The following RUNX1 variants were observed in gnomAD, a reference collection of about 807,000 sequenced individuals.
RUNX1 encodes runt-related transcription factor 1.
Under a neutral mutation model 42.8 loss-of-function variants are expected in RUNX1, and 19 were observed. The ratio of observed to expected loss-of-function variants is 0.44; its 90% CI spans 0.31 to 0.65. The LOEUF is 0.65. RUNX1 is among the 30% of genes least tolerant of loss of function. The pLI, the probability that RUNX1 is intolerant of heterozygous loss-of-function variation, is 0.07. For missense variants in RUNX1, 528 were observed against 672.0 expected (o/e 0.79, Z 2.37); for synonymous variants, 271 against 289.4 (o/e 0.94, Z 0.64).
At chr21:34,798,215 C>T (rs1284264139) in intron 8 of RUNX1, 2 of 444,308 alleles carry the variant, frequency 4.5e-6, no homozygotes, top group African/African-American at 2.0e-5. Flanking sequence ...GCCCCGTTCC[C>T]CCAACACACA....
chr21:34,797,369 A>G (rs2056544584), intron 8 of RUNX1, among the ~76,000 whole-genome samples: 1 of 152,192 alleles, frequency 6.6e-6, no homozygotes, highest in Non-Finnish European at 1.5e-5. Flanking sequence ...TGCACATGTT[A>G]CTCATTCCTT....
intron 7 of RUNX1, among the ~76,000 whole-genome samples, chr21:34,830,894 G>C (rs1338332930): frequency 1.3e-5 from 2 of 152,152 alleles, no homozygotes; most frequent in East Asian, 1.9e-4. Flanking sequence ...AGTTTATCTA[G>C]GTTTCAGTTT....
Position 34,799,312 on chromosome 21 carries a change from C to T in RUNX1, c.956G>A (p.Ser319Asn), listed in dbSNP as rs2145907184. 1 of 1,614,186 alleles carries T rather than the reference C, an allele frequency of 6.2e-7. No homozygotes were observed. The highest frequency in any genetic ancestry group is 8.5e-7 in the Non-Finnish European group (1 of 1,180,032). The change falls in exon 8 of 9, where the codon AGT becomes AAT. Residue 319 changes from serine (S) to asparagine (N), a missense_variant. This residue lies in a region of RUNX1 where 331 missense variants were observed against 382.5 expected (regional missense o/e 0.87). Transcript: ENST00000675419. ...TTCAAGTGGCTTACTTGAGAGTCGA[C>T]TGGAAAGTTCTGCAGAGAGGGTTGT... ...GMTTLSAELSSRLSTAPDLTA... is the reference protein window; with the variant it reads ...GMTTLSAELSNRLSTAPDLTA...
intron 7 of RUNX1, among the ~76,000 whole-genome samples, chr21:34,814,379 C>T (rs966359066): frequency 1.3e-5 from 2 of 152,280 alleles, no homozygotes; most frequent in Middle Eastern, 3.4e-3. Context: ...CACACTGTCA[C>T]CTGTGTGCGC....
intron 2 of RUNX1, among the ~76,000 whole-genome samples, chr21:35,047,303 T>G (rs1242264563): frequency 6.6e-6 from 1 of 152,082 alleles, no homozygotes; most frequent in Non-Finnish European, 1.5e-5. Flanking sequence ...GGGAGCCGTT[T>G]GCAGCTTTTC....
At chr21:34,937,381 C>G (rs1257151868) in intron 2 of RUNX1, among the ~76,000 whole-genome samples, 1 of 148,736 alleles carries the variant, frequency 6.7e-6, no homozygotes, top group African/African-American at 2.5e-5. Context: ...TCCAGTGACT[C>G]ATAGGCTCTG....
chr21:35,027,554 T>C lies in RUNX1; in HGVS notation c.58+21288A>G, dbSNP rs570979074. Among the ~76,000 whole-genome samples, 5 of 152,302 alleles carry C rather than the reference T, an allele frequency of 3.3e-5. No individual in the cohort carries two copies. In the East Asian group the frequency reaches 9.6e-4, roughly 29 times the overall value. On this transcript the variant is annotated intron_variant, in intron 2 of 8. Coordinates refer to ENST00000675419, the MANE Select transcript of RUNX1 (RefSeq NM_001754.5). ...GGTTTAACTGGAGCCACCTTGCTAA[T>C]GGAAAATGGAAAATGAAATTCCTTT...
chr21:34,959,017 A>G (rs1479648564), intron 2 of RUNX1, among the ~76,000 whole-genome samples: 1 of 149,500 alleles, frequency 6.7e-6, no homozygotes, highest in Non-Finnish European at 1.5e-5. Flanking sequence ...ACATGGACAC[A>G]GGAAGGGGAA....
chr21:34,821,648 C>A (rs752110332), intron 7 of RUNX1: 4 of 1,566,434 alleles, frequency 2.6e-6, no homozygotes, highest in Admixed American at 1.9e-5. Context: ...GAGGGATGGA[C>A]AGAAGAACTG....
intron 6 of RUNX1, among the ~76,000 whole-genome samples, chr21:34,838,997 T>C (rs1184981363): frequency 6.6e-6 from 1 of 152,076 alleles, no homozygotes; most frequent in East Asian, 1.9e-4. Context: ...TTATATATTG[T>C]CCAGTGCTAC....
intron 2 of RUNX1, among the ~76,000 whole-genome samples, chr21:35,005,761 GTC>G (rs1232866639): frequency 6.6e-6 from 1 of 152,196 alleles, no homozygotes; most frequent in African/African-American, 2.4e-5. Flanking sequence ...GCAGCTGGAA[GTC>G]TCCTCCCCTC....
chr21:34,978,084 C>T (rs568624746), intron 2 of RUNX1, among the ~76,000 whole-genome samples: 8 of 152,260 alleles, frequency 5.3e-5, no homozygotes, highest in South Asian at 2.1e-4. Context: ...ACTACAGTCA[C>T]GTGCCACCAT....
intron 2 of RUNX1, among the ~76,000 whole-genome samples, chr21:35,012,052 A>G (rs1378972826): frequency 6.6e-6 from 1 of 152,198 alleles, no homozygotes; most frequent in Admixed American, 6.5e-5. Context: ...TCAGAAACAA[A>G]CTTTGAATTA....
chr21:35,008,785 T>G lies in RUNX1; in HGVS notation c.58+40057A>C, dbSNP rs75578997. Among the ~76,000 whole-genome samples, 401 of 152,320 alleles carry G rather than the reference T, an allele frequency of 2.6e-3. 1 individual carries two copies. Among genetic ancestry groups the G allele is most frequent in the African/African-American group, 9.2e-3 (384 of 41,570 alleles). On this transcript the variant is annotated intron_variant, in intron 2 of 8. Coordinates refer to ENST00000675419, the MANE Select transcript of RUNX1 (RefSeq NM_001754.5). ...GTGGACTCGGTGCTTCTAACCATAC[T>G]GATTATGGAATGATCATTACAGACT...
At chr21:34,810,953 C>T (rs1447372424) in intron 7 of RUNX1, among the ~76,000 whole-genome samples, 2 of 152,126 alleles carry the variant, frequency 1.3e-5, no homozygotes, top group African/African-American at 4.8e-5. Flanking sequence ...GTAGCATGCA[C>T]CGCTAGGATG....
At position 34,851,329 on chromosome 21, in the gene RUNX1, C is replaced by T. The variant is rs534585010; in HGVS notation, c.613+8145G>A. On this transcript the variant is annotated intron_variant, in intron 6 of 8. Transcript: ENST00000675419. Reference sequence around the variant, plus strand: ...CCTCGGCCTCTAAGGGGCCAGTTTACGGGAACGAACTTACGGCTTTATTTT... The same window carrying T: ...CCTCGGCCTCTAAGGGGCCAGTTTATGGGAACGAACTTACGGCTTTATTTT... 6.6e-5 allele frequency among the ~76,000 whole-genome samples: 10 copies of T among 152,346 alleles called. No individual in the cohort carries two copies. The East Asian group carries it at 9.6e-4, about 15-fold the overall frequency.
intron 2 of RUNX1, among the ~76,000 whole-genome samples, chr21:34,926,292 T>G (rs926306058): frequency 6.6e-6 from 1 of 151,406 alleles, no homozygotes; most frequent in South Asian, 2.1e-4. Context: ...CTGGGCAACA[T>G]AGTGGGACCC....
At chr21:35,048,620 G>C (rs560257344) in intron 2 of RUNX1, among the ~76,000 whole-genome samples, 2 of 152,314 alleles carry the variant, frequency 1.3e-5, no homozygotes, top group East Asian at 3.9e-4. Flanking sequence ...CACTCCAACA[G>C]CATAACTAAG....
chr21:34,908,477 T>A (rs2058243123), intron 2 of RUNX1, among the ~76,000 whole-genome samples: 1 of 152,178 alleles, frequency 6.6e-6, no homozygotes, highest in Non-Finnish European at 1.5e-5. Flanking sequence ...GCAAGGTCGT[T>A]GCTCAATTTT....
Sources: gnomAD v4.1 joint callset for allele counts (sites outside exome capture counted in the v4.1 genomes callset) on GRCh38, gnomAD v4.1.1 for gene constraint, gnomAD v4.1.1 regional missense constraint, MANE v1.5 for transcripts, NCBI Gene and HGNC (gene_info 2026-07-23, HGNC 2026-07-21) for gene names.